EFCAB6: variants seen among roughly 807,000 people sequenced by gnomAD.
EFCAB6 encodes the protein EF-hand calcium binding domain 6.
A neutral mutation model predicts 169.8 loss-of-function variants in EFCAB6; 156 were observed. The observed-to-expected ratio is 0.92, with a 90% CI of 0.81 to 1.05. The LOEUF is 1.05. EFCAB6 is among the 50% of genes least tolerant of loss of function. The pLI, the probability that EFCAB6 is intolerant of heterozygous loss-of-function variation, is 0.00. For missense variants in EFCAB6, 1,800 were observed against 1,829.1 expected (o/e 0.98, Z 0.29); for synonymous variants, 698 against 676.4 (o/e 1.03, Z -0.50).
At chr22:43,777,548 T>C (rs996554857) in intron 3 of EFCAB6, among the ~76,000 whole-genome samples, 2 of 152,176 alleles carry the variant, frequency 1.3e-5, no homozygotes, top group African/African-American at 4.8e-5. Context: ...AAGCAGCTGA[T>C]TCACACACAG....
chr22:43,545,681 G>A (rs2048016485), intron 27 of EFCAB6, among the ~76,000 whole-genome samples: 1 of 152,172 alleles, frequency 6.6e-6, no homozygotes, highest in Admixed American at 6.5e-5. Context: ...GGCTGGGTGA[G>A]GAAAACCTGC....
intron 27 of EFCAB6, among the ~76,000 whole-genome samples, chr22:43,544,779 C>A (rs1305401886): frequency 6.6e-6 from 1 of 150,974 alleles, no homozygotes; most frequent in East Asian, 1.9e-4. Flanking sequence ...AACTAAGAAC[C>A]CTGAACAATA....
chr22:43,637,679 G>A (rs2055515752), intron 17 of EFCAB6, among the ~76,000 whole-genome samples: 1 of 152,172 alleles, frequency 6.6e-6, no homozygotes, highest in Admixed American at 6.5e-5. Context: ...GAATTCGGCA[G>A]GAAGCACGTG....
intron 2 of EFCAB6, among the ~76,000 whole-genome samples, chr22:43,791,579 G>A (rs1341372000): frequency 6.6e-6 from 1 of 152,112 alleles, no homozygotes; most frequent in Non-Finnish European, 1.5e-5. Flanking sequence ...TAGAAACCAT[G>A]AGAAGAATAA....
At chr22:43,605,513 C>T (rs767604618) in intron 22 of EFCAB6, among the ~76,000 whole-genome samples, 11 of 152,028 alleles carry the variant, frequency 7.2e-5, no homozygotes, top group Non-Finnish European at 1.2e-4. Flanking sequence ...CGTGGTGGTG[C>T]GTGCCTGTAA....
chr22:43,749,199 T>G (rs1261929285), intron 6 of EFCAB6, among the ~76,000 whole-genome samples: 1 of 152,034 alleles, frequency 6.6e-6, no homozygotes, highest in Non-Finnish European at 1.5e-5. Context: ...TCTGCTTGAA[T>G]GAATGATGAG....
intron 17 of EFCAB6, among the ~76,000 whole-genome samples, chr22:43,645,508 G>T (rs1323851243): frequency 1.3e-5 from 2 of 152,104 alleles, no homozygotes; most frequent in Non-Finnish European, 2.9e-5. Context: ...TTGTGAAAAT[G>T]TTATGCCCTA....
intron 27 of EFCAB6, among the ~76,000 whole-genome samples, chr22:43,546,892 TAAATA>T (rs917740459): frequency 1.2e-4 from 18 of 147,952 alleles, no homozygotes; most frequent in African/African-American, 3.5e-4. Context: ...AAAAGGATAA[TAAATA>T]AAATAAAAGT....
intron 23 of EFCAB6, among the ~76,000 whole-genome samples, chr22:43,590,836 A>G (rs1285068368): frequency 6.6e-6 from 1 of 152,094 alleles, no homozygotes. Flanking sequence ...AGATGGATGC[A>G]AAAGAGTCAG....
intron 22 of EFCAB6, among the ~76,000 whole-genome samples, chr22:43,606,033 C>G (rs2052896856): frequency 6.6e-6 from 1 of 152,114 alleles, no homozygotes; most frequent in Non-Finnish European, 1.5e-5. Context: ...AATGTGTGTG[C>G]CAACCCAAAG....
chr22:43,669,358 C>T (rs1166713407), intron 15 of EFCAB6, among the ~76,000 whole-genome samples: 1 of 152,116 alleles, frequency 6.6e-6, no homozygotes, highest in East Asian at 1.9e-4. Context: ...TATGGTAAAC[C>T]CATTCAATGG....
intron 5 of EFCAB6, among the ~76,000 whole-genome samples, chr22:43,760,824 G>A (rs976046084): frequency 3.3e-5 from 5 of 152,178 alleles, no homozygotes; most frequent in South Asian, 2.1e-4. Context: ...CACCACATGC[G>A]GCTAATTTTT....
chr22:43,675,048 G>A (rs1318244772), intron 13 of EFCAB6, among the ~76,000 whole-genome samples: 1 of 151,564 alleles, frequency 6.6e-6, no homozygotes, highest in East Asian at 1.9e-4. Context: ...ACGGGTACGG[G>A]GTACAGCCAA....
intron 27 of EFCAB6, among the ~76,000 whole-genome samples, chr22:43,548,012 C>T (rs904020314): frequency 6.6e-6 from 1 of 151,714 alleles, no homozygotes; most frequent in Non-Finnish European, 1.5e-5. Flanking sequence ...AGGAGAATGG[C>T]GTGAACCCAG....
At chr22:43,785,848 A>C (rs2062057042) in intron 2 of EFCAB6, among the ~76,000 whole-genome samples, 1 of 152,214 alleles carries the variant, frequency 6.6e-6, no homozygotes. Context: ...AATGATTATA[A>C]GGGAATACTA....
Position 43,753,179 on chromosome 22 carries a change from C to T in EFCAB6, c.507+2587G>A, listed in dbSNP as rs1343292543. Reference sequence around the variant, plus strand: ...TGTACCTGATTCTCCATAAATCCCTCTGGCTCCTAGGACATTATGGAGACA... The same window carrying T: ...TGTACCTGATTCTCCATAAATCCCTTTGGCTCCTAGGACATTATGGAGACA... On this transcript the variant is annotated intron_variant, in intron 6 of 31. Coordinates refer to ENST00000262726, the MANE Select transcript of EFCAB6 (RefSeq NM_022785.4). Among the ~76,000 whole-genome samples, 4 of 152,320 alleles carry T rather than the reference C, an allele frequency of 2.6e-5. No homozygotes were observed. In the East Asian group the frequency reaches 7.7e-4, roughly 29 times the overall value.
chr22:43,621,831 G>A (rs1276175678), intron 20 of EFCAB6, among the ~76,000 whole-genome samples: 1 of 152,130 alleles, frequency 6.6e-6, no homozygotes, highest in Non-Finnish European at 1.5e-5. Context: ...GATCAACTAT[G>A]AAAGTGATAA....
rs149221419 is a variant in EFCAB6 at position 43,688,723 on chromosome 22, A to G, written c.1032-1142T>C. 2.3e-3 allele frequency among the ~76,000 whole-genome samples: 351 copies of G among 152,384 alleles called. 4 individuals are homozygous for G. Among genetic ancestry groups the G allele is most frequent in the African/African-American group, 8.3e-3 (345 of 41,596 alleles). ...GTTGCAGGCTGGAAAACCAGCAAGCATTCTATCACATACACTGACCTGTGT... is the reference window on the plus strand; with the variant it reads ...GTTGCAGGCTGGAAAACCAGCAAGCGTTCTATCACATACACTGACCTGTGT... On this transcript the variant is annotated intron_variant, in intron 10 of 31. Coordinates refer to ENST00000262726, the MANE Select transcript of EFCAB6 (RefSeq NM_022785.4).
intron 21 of EFCAB6, among the ~76,000 whole-genome samples, chr22:43,610,744 C>T (rs572910326): frequency 6.6e-6 from 1 of 152,048 alleles, no homozygotes; most frequent in Non-Finnish European, 1.5e-5. Flanking sequence ...AAAAATTATG[C>T]TTTAAAAAAA....
Sources: gnomAD v4.1 joint callset for allele counts (sites outside exome capture counted in the v4.1 genomes callset) on GRCh38, gnomAD v4.1.1 for gene constraint, MANE v1.5 for transcripts, NCBI Gene and HGNC (gene_info 2026-07-23, HGNC 2026-07-21) for gene names.